Variants in KIAA0825 observed in about 807,000 individuals in gnomAD.
The protein encoded by KIAA0825 is uncharacterized protein KIAA0825.
KIAA0825 carries 119 observed loss-of-function variants against 147.6 expected under a neutral mutation model. That is an observed-to-expected ratio of 0.81 (90% CI 0.69 to 0.94). The LOEUF is 0.94. KIAA0825 is among the 40% of genes least tolerant of loss of function. The probability of loss-of-function intolerance (pLI) is 0.00; values close to 1 mark genes in which losing one functional copy is unlikely to be tolerated. For missense variants in KIAA0825, 1,381 were observed against 1,472.7 expected, an observed-to-expected ratio of 0.94 and a Z score of 1.02; for synonymous variants, 470 against 518.1, an observed-to-expected ratio of 0.91 and a Z score of 1.26.
intron 20 of KIAA0825, among the ~76,000 whole-genome samples, chr5:94,330,804 A>G (rs772502226): frequency 5.9e-5 from 9 of 151,900 alleles, no homozygotes; most frequent in Admixed American, 1.3e-4. Flanking sequence ...CCTTCCCCTC[A>G]AAAGAGAGAG....
intron 20 of KIAA0825, among the ~76,000 whole-genome samples, chr5:94,346,483 C>A (rs1783001113): frequency 6.6e-6 from 1 of 152,158 alleles, no homozygotes; most frequent in African/African-American, 2.4e-5. Flanking sequence ...CAGGAGACAT[C>A]CCCAAAACTG....
intron 20 of KIAA0825, among the ~76,000 whole-genome samples, chr5:94,211,901 A>T (rs558915049): frequency 9.8e-5 from 15 of 152,304 alleles, no homozygotes; most frequent in Admixed American, 9.8e-4. Context: ...CATGAATACA[A>T]ATTGATGCCT....
At chr5:94,173,820 T>C (rs776582141) in intron 20 of KIAA0825, among the ~76,000 whole-genome samples, 2 of 152,132 alleles carry the variant, frequency 1.3e-5, no homozygotes, top group Non-Finnish European at 2.9e-5. Context: ...GAGACCCTTA[T>C]GTGGGCAGGG....
intron 20 of KIAA0825, among the ~76,000 whole-genome samples, chr5:94,198,549 G>A (rs919105664): frequency 2.6e-5 from 4 of 151,936 alleles, no homozygotes; most frequent in Non-Finnish European, 4.4e-5. Flanking sequence ...GTTGAACAAT[G>A]AGAACACAGG....
intron 1 of KIAA0825, among the ~76,000 whole-genome samples, chr5:94,597,000 A>G (rs560611451): frequency 1.3e-5 from 2 of 152,302 alleles, no homozygotes; most frequent in South Asian, 2.1e-4. Flanking sequence ...CGTTTTCTAC[A>G]TATAAAATCA....
intron 20 of KIAA0825, among the ~76,000 whole-genome samples, chr5:94,206,051 C>A (rs549459923): frequency 2.0e-5 from 3 of 152,072 alleles, no homozygotes; most frequent in Non-Finnish European, 1.5e-5. Flanking sequence ...TTTCTCTCTG[C>A]CGCATCTATC....
At chr5:94,496,926 T>C (rs1416060932) in intron 5 of KIAA0825, among the ~76,000 whole-genome samples, 1 of 152,182 alleles carries the variant, frequency 6.6e-6, no homozygotes, top group Non-Finnish European at 1.5e-5. Context: ...CTCTCCCCTA[T>C]ATGTGAGCCC....
At position 94,470,038 on chromosome 5, in the gene KIAA0825, A is replaced by G; in HGVS notation, c.1795T>C (p.Cys599Arg). Reference sequence around the variant, plus strand: ...ATGCTTGTAGCACAAACTCTGACGCAGTAGTTCGTAACCTGAAACTGTAGA... The same window carrying G: ...ATGCTTGTAGCACAAACTCTGACGCGGTAGTTCGTAACCTGAAACTGTAGA... ...NTLQFQVTNY[C>R]VRVCATSILQ... The change falls in exon 10 of 21, where the codon TGC becomes CGC. Residue 599 changes from cysteine (C) to arginine (R), a missense_variant. Coordinates refer to ENST00000682413, the MANE Select transcript of KIAA0825 (RefSeq NM_001145678.3). 1 of 1,551,714 alleles carries G rather than the reference A, an allele frequency of 6.4e-7. No individual in the cohort carries two copies. The highest frequency in any genetic ancestry group is 8.7e-7 in the Non-Finnish European group (1 of 1,146,926).
chr5:94,375,439 T>C (rs1747417082), intron 20 of KIAA0825, among the ~76,000 whole-genome samples: 1 of 152,082 alleles, frequency 6.6e-6, no homozygotes, highest in African/African-American at 2.4e-5. Context: ...TGACCTTTCC[T>C]CCTGTCCCTC....
Position 94,464,914 on chromosome 5 carries a change from C to G in KIAA0825, c.2018G>C (p.Arg673Thr). 6.4e-7 allele frequency: 1 copy of G among 1,551,644 alleles called. No homozygotes were observed. Among genetic ancestry groups the G allele is most frequent in the South Asian group, 1.2e-5 (1 of 84,056 alleles). Reference sequence around the variant, plus strand: ...ACGGCTGGGGTGGGCCCGAGCGTATCTGGAGGCCAGTAGACTCAAAGATTT... The same window carrying G: ...ACGGCTGGGGTGGGCCCGAGCGTATGTGGAGGCCAGTAGACTCAAAGATTT... Reference protein sequence around the residue: ...LEKSLSLLASRYARAHPSRKR... With the variant: ...LEKSLSLLASTYARAHPSRKR... The change falls in exon 11 of 21, where the codon AGA becomes ACA. Residue 673 changes from arginine (R) to threonine (T), a missense_variant. By Grantham distance (71) the Arg-to-Thr change is moderately conservative. Transcript: ENST00000682413.
intron 20 of KIAA0825, among the ~76,000 whole-genome samples, chr5:94,178,920 A>T (rs1769349980): frequency 6.6e-6 from 1 of 152,116 alleles, no homozygotes; most frequent in African/African-American, 2.4e-5. Context: ...TCCTTAAGTG[A>T]TTTCATATCA....
intron 20 of KIAA0825, among the ~76,000 whole-genome samples, chr5:94,223,271 A>G (rs1248988448): frequency 1.3e-5 from 2 of 152,202 alleles, no homozygotes; most frequent in Non-Finnish European, 1.5e-5. Flanking sequence ...AAGAGGCACA[A>G]TGAGACTTAT....
chr5:94,404,478 C>T (rs34721469), intron 15 of KIAA0825, among the ~76,000 whole-genome samples: 42,027 of 151,228 alleles, frequency 0.28, 6,076 homozygotes, highest in Middle Eastern at 0.33. Context: ...TTCCTTCTTT[C>T]TTTACAAATG....
chr5:94,520,511 T>G lies in KIAA0825; in HGVS notation c.707A>C (p.Asn236Thr), dbSNP rs930897667. The G allele has an allele frequency of 6.2e-7, 1 of 1,613,096 alleles. No individual in the cohort carries two copies. Among genetic ancestry groups the G allele is most frequent in the South Asian group, 1.1e-5 (1 of 91,056 alleles). ...ATATCCATGAGCTATTACATCTAAA[T>G]TTGAATCTCTGTTGTAAGAAGGAAA... Reference protein sequence around the residue: ...NCFPSYNRDSNLDVIAHGYQS... With the variant: ...NCFPSYNRDSTLDVIAHGYQS... The change falls in exon 5 of 21, where the codon AAT (asparagine) becomes ACT (threonine). Residue 236 changes from asparagine (N) to threonine (T), a missense_variant. Transcript: ENST00000682413.
At chr5:94,559,284 T>A (rs1206235112) in intron 2 of KIAA0825, among the ~76,000 whole-genome samples, 6 of 152,248 alleles carry the variant, frequency 3.9e-5, no homozygotes, top group Admixed American at 3.9e-4. Context: ...TTGGAAAATG[T>A]TGTAAAGGAC....
intron 20 of KIAA0825, among the ~76,000 whole-genome samples, chr5:94,281,675 C>A (rs560007163): frequency 6.6e-6 from 1 of 152,090 alleles, no homozygotes; most frequent in Non-Finnish European, 1.5e-5. Flanking sequence ...TACCACATGC[C>A]AGTAGCAACC....
At chr5:94,410,376 A>T (rs893188246) in intron 15 of KIAA0825, among the ~76,000 whole-genome samples, 1 of 152,216 alleles carries the variant, frequency 6.6e-6, no homozygotes, top group Non-Finnish European at 1.5e-5. Context: ...TGAGTCCCAG[A>T]AAAAGTGGGA....
At chr5:94,471,073 C>A (rs912388013) in intron 9 of KIAA0825, among the ~76,000 whole-genome samples, 1 of 152,104 alleles carries the variant, frequency 6.6e-6, no homozygotes, top group African/African-American at 2.4e-5. Context: ...GATTACAATG[C>A]ATTTATTTTC....
chr5:94,203,881 A>G (rs1435963247), intron 20 of KIAA0825, among the ~76,000 whole-genome samples: 1 of 152,214 alleles, frequency 6.6e-6, no homozygotes, highest in African/African-American at 2.4e-5. Context: ...TTGAAATGAT[A>G]TCATAACCTT....
Sources: allele counts gnomAD v4.1 joint callset (sites outside exome capture counted in the v4.1 genomes callset), GRCh38; gene constraint gnomAD v4.1.1; transcripts MANE v1.5; gene names NCBI Gene and HGNC (gene_info 2026-07-23, HGNC 2026-07-21).